The following B3GALT1 variants were observed in gnomAD, a reference collection of about 807,000 sequenced individuals.
B3GALT1 encodes beta-1,3-galactosyltransferase 1.
A neutral mutation model predicts 23.2 loss-of-function variants in B3GALT1; 10 were observed. The observed-to-expected ratio is 0.43, with a 90% CI of 0.27 to 0.73. The LOEUF is 0.73. B3GALT1 is among the 30% of genes least tolerant of loss of function. The pLI, the probability that B3GALT1 is intolerant of heterozygous loss-of-function variation, is 0.21. For missense variants in B3GALT1, 299 were observed against 405.4 expected, an observed-to-expected ratio of 0.74 and a Z score of 2.25; for synonymous variants, 156 against 141.5, an observed-to-expected ratio of 1.10 and a Z score of -0.73.
chr2:167,555,116 A>G (rs1683820073), intron 2 of B3GALT1, among the ~76,000 whole-genome samples: 1 of 152,196 alleles, frequency 6.6e-6, no homozygotes, highest in Non-Finnish European at 1.5e-5. Flanking sequence ...TAGGACTGCT[A>G]TGTATATGCT....
chr2:167,767,679 A>C (rs781128873), intron 3 of B3GALT1, among the ~76,000 whole-genome samples: 6 of 152,206 alleles, frequency 3.9e-5, no homozygotes, highest in Non-Finnish European at 8.8e-5. Context: ...GAAATCTAGC[A>C]GTTTCTTTGA....
At chr2:167,591,464 AT>A (rs1160184851) in intron 2 of B3GALT1, among the ~76,000 whole-genome samples, 34 of 151,882 alleles carry the variant, frequency 2.2e-4, no homozygotes, top group African/African-American at 5.8e-4. Context: ...ACTTTAATTA[AT>A]TTATTTATTT....
intron 1 of B3GALT1, among the ~76,000 whole-genome samples, chr2:167,398,387 C>T (rs1207094250): frequency 3.3e-5 from 5 of 152,026 alleles, no homozygotes; most frequent in Non-Finnish European, 2.9e-5. Flanking sequence ...ATTGATAGTG[C>T]TATCCCTCTA....
chr2:167,665,747 G>C (rs1382383666), intron 3 of B3GALT1, among the ~76,000 whole-genome samples: 3 of 152,164 alleles, frequency 2.0e-5, no homozygotes, highest in Non-Finnish European at 4.4e-5. Context: ...TAGTTTATTT[G>C]CGTAGAGGTG....
rs1263415027 is a variant in B3GALT1 at position 167,647,043 on chromosome 2, T to C, written c.-352+77T>C. Among the ~76,000 whole-genome samples the C allele has an allele frequency of 2.0e-5, 3 of 152,186 alleles. No homozygotes were observed. In the East Asian group the frequency reaches 5.8e-4, roughly 29 times the overall value. On this transcript the variant is annotated intron_variant, in intron 3 of 4. Coordinates refer to ENST00000392690, the MANE Select transcript of B3GALT1 (RefSeq NM_020981.4). ...TGATCCTCAGTGGTCTCATCTCACCTTCCATACTAGAAAATTGCCTTTATT... is the reference window on the plus strand; with the variant it reads ...TGATCCTCAGTGGTCTCATCTCACCCTCCATACTAGAAAATTGCCTTTATT...
chr2:167,710,197 A>G (rs1229468265), intron 3 of B3GALT1, among the ~76,000 whole-genome samples: 1 of 152,198 alleles, frequency 6.6e-6, no homozygotes, highest in Non-Finnish European at 1.5e-5. Context: ...TAAATACTCA[A>G]CCAAGAAAAA....
At chr2:167,504,879 C>T (rs1653425) in intron 2 of B3GALT1, among the ~76,000 whole-genome samples, 70,537 of 151,972 alleles carry the variant, frequency 0.46, 18,177 homozygotes, top group East Asian at 0.87. Flanking sequence ...TAGGTCTATG[C>T]AAGTACACTC....
chr2:167,399,755 G>A (rs1482678093), intron 1 of B3GALT1, among the ~76,000 whole-genome samples: 2 of 151,820 alleles, frequency 1.3e-5, no homozygotes, highest in Non-Finnish European at 2.9e-5. Flanking sequence ...CTGTAAAGTT[G>A]TCATTATAAG....
At chr2:167,657,703 A>T (rs1293216066) in intron 3 of B3GALT1, among the ~76,000 whole-genome samples, 1 of 152,154 alleles carries the variant, frequency 6.6e-6, no homozygotes, top group African/African-American at 2.4e-5. Context: ...ATCAATAGTG[A>T]TAGGTACTGT....
chr2:167,672,990 G>A (rs1686359181), intron 3 of B3GALT1, among the ~76,000 whole-genome samples: 1 of 151,330 alleles, frequency 6.6e-6, no homozygotes, highest in Non-Finnish European at 1.5e-5. Context: ...CTGTGTGTGT[G>A]TGGGAGGGGG....
At chr2:167,661,874 T>G (rs1252851218) in intron 3 of B3GALT1, among the ~76,000 whole-genome samples, 2 of 151,970 alleles carry the variant, frequency 1.3e-5, no homozygotes, top group Non-Finnish European at 2.9e-5. Context: ...TATCACAACA[T>G]GAAGCTACAC....
chr2:167,699,380 ATTTTTTTTTTTTT>A (rs1169813738), intron 3 of B3GALT1, among the ~76,000 whole-genome samples: 6 of 100,192 alleles, frequency 6.0e-5, no homozygotes, highest in Non-Finnish European at 7.7e-5. Flanking sequence ...CATTATTTCT[ATTTTTTTTTTTTT>A]TTTTTTTTTT....
At chr2:167,296,289 T>C (rs1156665374) in intron 1 of B3GALT1, among the ~76,000 whole-genome samples, 1 of 152,110 alleles carries the variant, frequency 6.6e-6, no homozygotes, top group East Asian at 1.9e-4. Flanking sequence ...ATAAAACTTA[T>C]TTAATTTGTC....
At chr2:167,665,486 T>G (rs935163011) in intron 3 of B3GALT1, among the ~76,000 whole-genome samples, 1 of 151,074 alleles carries the variant, frequency 6.6e-6, no homozygotes, top group East Asian at 1.9e-4. Context: ...ATAAAATGAG[T>G]TAGGGAGGAT....
chr2:167,492,475 A>G (rs1458775017), intron 2 of B3GALT1, among the ~76,000 whole-genome samples: 2 of 152,106 alleles, frequency 1.3e-5, no homozygotes, highest in Non-Finnish European at 2.9e-5. Flanking sequence ...GAAGTTTTCA[A>G]CTCATTTAGG....
intron 4 of B3GALT1, among the ~76,000 whole-genome samples, chr2:167,829,423 C>A (rs1689295536): frequency 6.7e-6 from 1 of 150,270 alleles, no homozygotes; most frequent in East Asian, 2.0e-4. Context: ...GCGGAGGTTA[C>A]AGGGAGCCAA....
In B3GALT1 at chr2:167,414,786, A is replaced by C. The variant is rs558683903; in HGVS notation, c.-510-75391A>C. ...TTTGCAGTAATATGGATTCATTCAAATTTGCTTCCATCTTTTATCAGTATT... is the reference window on the plus strand; with the variant it reads ...TTTGCAGTAATATGGATTCATTCAACTTTGCTTCCATCTTTTATCAGTATT... On this transcript the variant is annotated intron_variant, in intron 1 of 4. Coordinates refer to ENST00000392690, the MANE Select transcript of B3GALT1 (RefSeq NM_020981.4). Among the ~76,000 whole-genome samples the C allele has an allele frequency of 2.6e-5, 4 of 152,268 alleles. No homozygotes were observed. In the South Asian group the frequency reaches 6.2e-4, roughly 24 times the overall value.
intron 4 of B3GALT1, among the ~76,000 whole-genome samples, chr2:167,852,121 T>C (rs537737151): frequency 3.9e-5 from 6 of 152,130 alleles, no homozygotes; most frequent in Non-Finnish European, 8.8e-5. Flanking sequence ...TATCAGTAGC[T>C]TGGGTGTGAC....
chr2:167,865,797 C>G lies in B3GALT1; in HGVS notation c.-229-3014C>G, dbSNP rs1358790696. 3.3e-5 allele frequency among the ~76,000 whole-genome samples: 5 copies of G among 151,768 alleles called. No individual in the cohort carries two copies. In the East Asian group the frequency reaches 5.8e-4, roughly 18 times the overall value. ...ACAGAGCGAGACTCCGTCTCAAAAA[C>G]AATAAATAAATAAAAAATAAAATAA... On this transcript the variant is annotated intron_variant, in intron 4 of 4. Coordinates refer to ENST00000392690, the MANE Select transcript of B3GALT1 (RefSeq NM_020981.4).
Sources: gnomAD v4.1 joint callset for allele counts (sites outside exome capture counted in the v4.1 genomes callset) on GRCh38, gnomAD v4.1.1 for gene constraint, MANE v1.5 for transcripts, NCBI Gene and HGNC (gene_info 2026-07-23, HGNC 2026-07-21) for gene names.